NPIPB15: variants seen among roughly 807,000 people sequenced by gnomAD.
NPIPB15 encodes the protein nuclear pore complex interacting protein family member B15.
NPIPB15 carries 5 observed loss-of-function variants against 35.9 expected under a neutral mutation model. That is an observed-to-expected ratio of 0.14 (90% CI 0.07 to 0.29). The LOEUF (loss-of-function observed/expected upper bound fraction) is 0.29. Ranked by LOEUF, NPIPB15 falls within the 10% of genes least tolerant of loss-of-function variation. The pLI, the probability that NPIPB15 is intolerant of heterozygous loss-of-function variation, is 1.00. For missense variants in NPIPB15, 100 were observed against 506.1 expected, an observed-to-expected ratio of 0.20 and a Z score of 7.70; for synonymous variants, 43 against 182.0, an observed-to-expected ratio of 0.24 and a Z score of 6.15.
intron 7 of NPIPB15, 178 bp from the exon 8 acceptor site, chr16:74,391,213 T>C: frequency 1.0e-6 from 1 of 985,460 alleles, no homozygotes; most frequent in Non-Finnish European, 1.2e-6. Context: ...TCCCCAGCTG[T>C]CGGCAGTACT....
At position 74,382,787 on chromosome 16, in the gene NPIPB15, G is replaced by A. The variant is rs147550882; in HGVS notation, c.249+1089G>A. ...AGATAATTACAAGTCATTTGGCACT[G>A]CCTTTCAAGATATGTAGAAAACAGA... On this transcript the variant is annotated intron_variant, in intron 3 of 7. Transcript: ENST00000692376. Among the ~76,000 whole-genome samples the A allele has an allele frequency of 5.0e-3, 765 of 152,052 alleles. 9 individuals are homozygous for A. Among genetic ancestry groups the A allele is most frequent in the African/African-American group, 0.017 (724 of 41,444 alleles).
chr16:74,381,121 C>T (rs1164691837), intron 2 of NPIPB15, among the ~76,000 whole-genome samples: 9 of 126,532 alleles, frequency 7.1e-5, no homozygotes, highest in Non-Finnish European at 9.5e-5. Context: ...CCAGCCTGGG[C>T]GACTGAGTGG....
chr16:74,381,685 C>T lies in NPIPB15; in HGVS notation c.236C>T (p.Thr79Ile), dbSNP rs762141292. The change falls in exon 3 of 8, where the codon ACA becomes ATA. Residue 79 changes from threonine to isoleucine, a missense_variant. By Grantham distance (89) the Thr-to-Ile change is moderately conservative. Coordinates refer to ENST00000692376, the MANE Select transcript of NPIPB15 (RefSeq NM_001306094.2). ...GACACATTTACCATTCTCTTCTGCA[C>T]AAGTTACCTTTGTGTGAGTATACTA... Reference protein sequence around the residue: ...RRDTFTILFCTSYLCVSFLKT... With the variant: ...RRDTFTILFCISYLCVSFLKT... 9 of 1,593,442 alleles carry T rather than the reference C, an allele frequency of 5.6e-6. No individual in the cohort carries two copies. Among genetic ancestry groups the T allele is most frequent in the Non-Finnish European group, 7.6e-6 (9 of 1,176,608 alleles).
intron 3 of NPIPB15, among the ~76,000 whole-genome samples, chr16:74,382,800 T>C (rs1054240825): frequency 6.6e-6 from 1 of 151,982 alleles, no homozygotes; most frequent in South Asian, 2.1e-4. Flanking sequence ...TTTCAAGATA[T>C]GTAGAAAACA....
At chr16:74,379,585 A>ATTT (rs547124371) in intron 2 of NPIPB15, among the ~76,000 whole-genome samples, 3 of 124,548 alleles carry the variant, frequency 2.4e-5, no homozygotes, top group African/African-American at 6.4e-5. Context: ...CACCTTGGTA[A>ATTT]TTTTTTTTTT....
intron 2 of NPIPB15, among the ~76,000 whole-genome samples, chr16:74,379,846 C>T (rs1205110765): frequency 1.3e-5 from 2 of 152,076 alleles, no homozygotes; most frequent in South Asian, 2.1e-4. Flanking sequence ...CCTCGGCTTC[C>T]CAAAGTGCTG....
chr16:74,384,348 G>A lies in NPIPB15; in HGVS notation c.250-994G>A, dbSNP rs1169147089. Among the ~76,000 whole-genome samples the A allele has an allele frequency of 4.1e-5, 4 of 96,668 alleles. No homozygotes were observed. The East Asian group carries it at 1.9e-3, about 47-fold the overall frequency. The allele number at this position is 96,668 out of a possible 152,430, so 63.4% of individuals were successfully genotyped here. A position where few individuals can be genotyped will look rare whatever the true frequency, so the allele number is the denominator to read the frequency against. ...TAACCGTGTTGAAGTGTACAGTTCA[G>A]TTGTGTGAAGTATATTCATGTCATT... On this transcript the variant is annotated intron_variant, in intron 3 of 7. Transcript: ENST00000692376.
chr16:74,384,634 T>G (rs2012160629), intron 3 of NPIPB15, among the ~76,000 whole-genome samples: 2 of 145,992 alleles, frequency 1.4e-5, no homozygotes, highest in African/African-American at 5.1e-5. Context: ...CCCAAAGTGC[T>G]GGGATTACAG....
In NPIPB15 at chr16:74,385,037, CAG is replaced by C. The variant is rs1236851175; in HGVS notation, c.250-302_250-301del. On this transcript the variant is annotated intron_variant, in intron 3 of 7. Transcript: ENST00000692376. ...TGTGTGTGTGTGTGTGTGTGTGTGA[CAG>C]AGTCTCATTCTGTCGCTCAGGCTGG... is the stretch of plus-strand genomic sequence containing the variant. Among the ~76,000 whole-genome samples the C allele has an allele frequency of 1.9e-4, 24 of 128,244 alleles. 1 individual carries two copies. The highest frequency in any genetic ancestry group is 2.9e-4 in the Non-Finnish European group (17 of 59,504). The allele number at this position is 128,244 out of a possible 152,430, so 84.1% of individuals were successfully genotyped here.
chr16:74,384,668 ATTTTTTTTTTTTTTTTT>A lies in NPIPB15; in HGVS notation c.250-661_250-645del, dbSNP rs1186582416. Among the ~76,000 whole-genome samples, 423 of 61,566 alleles carry A rather than the reference ATTTTTTTTTTTTTTTTT, an allele frequency of 6.9e-3. 1 individual carries two copies. The highest frequency in any genetic ancestry group is 0.026 in the African/African-American group (406 of 15,894). 40.4% of individuals were successfully genotyped at this position (61,566 alleles called of 152,430 possible). ...AGGCGTGAGCTACCGCACCTGGCCT[ATTTTTTTTTTTTTTTTT>A]TTTTTTTTTTTTGAGACAGAGTTTC... On this transcript the variant is annotated intron_variant, in intron 3 of 7. Transcript: ENST00000692376.
At position 74,376,845 on chromosome 16, in the gene NPIPB15, G is replaced by T. The variant is rs1393241400; in HGVS notation, c.-524G>T. Among the ~76,000 whole-genome samples, 2 of 147,740 alleles carry T rather than the reference G, an allele frequency of 1.4e-5. No individual in the cohort carries two copies. Among genetic ancestry groups the T allele is most frequent in the Non-Finnish European group, 3.0e-5 (2 of 66,972 alleles). On this transcript the variant is annotated 5_prime_UTR_variant, in exon 1 of 8. An upstream start codon of the reference 5' UTR is lost. Coordinates refer to ENST00000692376, the MANE Select transcript of NPIPB15 (RefSeq NM_001306094.2). ...TGTTTCATTTTGGATTCTTTCTTAT[G>T]TTTATGTCTTATAAGGGCACTTTGA... is the stretch of plus-strand genomic sequence containing the variant.
At chr16:74,379,868 G>A (rs1205856895) in intron 2 of NPIPB15, among the ~76,000 whole-genome samples, 11 of 152,064 alleles carry the variant, frequency 7.2e-5, no homozygotes, top group East Asian at 5.8e-4. Flanking sequence ...GATTGCAGGC[G>A]TGAGCCACCA....
chr16:74,383,811 G>A (rs1270910816), intron 3 of NPIPB15, among the ~76,000 whole-genome samples: 1 of 151,938 alleles, frequency 6.6e-6, no homozygotes, highest in East Asian at 2.0e-4. Flanking sequence ...AGCTACTTGG[G>A]AGGCCGAGGC....
rs771635253 is a variant in NPIPB15, at chr16:74,381,564, G to A, written c.115G>A (p.Val39Ile). The change falls in exon 3 of 8, where the codon GTA becomes ATA. Residue 39 changes from valine (V) to isoleucine (I), a missense_variant. Val to Ile is a conservative substitution (Grantham distance 29, BLOSUM62 3). Coordinates refer to ENST00000692376, the MANE Select transcript of NPIPB15 (RefSeq NM_001306094.2). Reference protein sequence around the residue: ...VYRHRETDFGVGVRDHPGQHG... With the variant: ...VYRHRETDFGIGVRDHPGQHG... ...TCGTCATCGTGAGACTGACTTTGGT[G>A]TAGGAGTTCGAGACCACCCTGGCCA... The A allele has an allele frequency of 5.0e-6, 8 of 1,585,776 alleles. No individual in the cohort carries two copies. The highest frequency in any genetic ancestry group is 5.1e-6 in the Non-Finnish European group (6 of 1,172,336).
At chr16:74,389,373 TTTTG>T (rs1342719297) in intron 5 of NPIPB15, among the ~76,000 whole-genome samples, 10 of 149,832 alleles carry the variant, frequency 6.7e-5, no homozygotes, top group South Asian at 2.1e-4. Flanking sequence ...GTTTTTTTGT[TTTTG>T]TTTTTGTTTT....
At chr16:74,383,799 C>T (rs2012115299) in intron 3 of NPIPB15, among the ~76,000 whole-genome samples, 2 of 151,894 alleles carry the variant, frequency 1.3e-5, no homozygotes, top group South Asian at 4.1e-4. Context: ...ACCTATAATC[C>T]CAGCTACTTG....
chr16:74,379,489 C>T (rs1190175548), intron 2 of NPIPB15, among the ~76,000 whole-genome samples: 1 of 151,928 alleles, frequency 6.6e-6, no homozygotes, highest in Admixed American at 6.6e-5. Context: ...GGGAAGTCTT[C>T]GTCTTCACTC....
chr16:74,378,710 A>G (rs1282238408), intron 2 of NPIPB15, among the ~76,000 whole-genome samples: 2 of 151,042 alleles, frequency 1.3e-5, no homozygotes, highest in African/African-American at 4.9e-5. Flanking sequence ...GCGCCTGGCC[A>G]AAATATATAA....
In NPIPB15 at chr16:74,387,355, A is replaced by G. The variant is rs1234490821; in HGVS notation, c.545+1606A>G. Among the ~76,000 whole-genome samples, 6 of 148,760 alleles carry G rather than the reference A, an allele frequency of 4.0e-5. 1 individual carries two copies. Among genetic ancestry groups the G allele is most frequent in the Non-Finnish European group, 5.9e-5 (4 of 67,870 alleles). Reference sequence around the variant, plus strand: ...GAATTCAGCAATGAAACTCAGGGAAATGGATTCCAAATGCGAGGCTGACTT... The same window carrying G: ...GAATTCAGCAATGAAACTCAGGGAAGTGGATTCCAAATGCGAGGCTGACTT... On this transcript the variant is annotated intron_variant, in intron 5 of 7. Transcript: ENST00000692376.
Sources: allele counts gnomAD v4.1 joint callset (sites outside exome capture counted in the v4.1 genomes callset), GRCh38; gene constraint gnomAD v4.1.1; transcripts MANE v1.5; gene names NCBI Gene and HGNC (gene_info 2026-07-23, HGNC 2026-07-21).